LAMB2: variants seen among roughly 807,000 people sequenced by gnomAD.
LAMB2 encodes laminin subunit beta-2.
In LAMB2, 119 loss-of-function variants were observed where a neutral mutation model predicts 202.7. The ratio of observed to expected loss-of-function variants is 0.59; its 90% CI spans 0.51 to 0.68. The LOEUF (loss-of-function observed/expected upper bound fraction) is 0.68, where lower values mean the gene tolerates loss of function less well. Ranked by LOEUF, LAMB2 falls within the 30% of genes least tolerant of loss-of-function variation. LAMB2 has a pLI of 0.00. For missense variants in LAMB2, 2,124 were observed against 2,410.6 expected, an observed-to-expected ratio of 0.88 and a Z score of 2.49; for synonymous variants, 818 against 902.2, an observed-to-expected ratio of 0.91 and a Z score of 1.67.
intron 13 of LAMB2, 48 bp downstream of exon 13, chr3:49,128,972 G>A: frequency 1.2e-6 from 2 of 1,603,604 alleles, no homozygotes; most frequent in Non-Finnish European, 1.7e-6. Flanking sequence ...TCCAGTCATA[G>A]ACGTGTCCAC....
Position 49,121,483 on chromosome 3 carries a change from T to C in LAMB2, c.5210A>G (p.Glu1737Gly). Residue 1737 changes from glutamate (E) to glycine (G), a missense_variant, in exon 31 of 32, where the codon GAG becomes GGG. Glu to Gly is a moderately conservative substitution (Grantham distance 98). Coordinates refer to ENST00000305544, the MANE Select transcript of LAMB2 (RefSeq NM_002292.4). ...AGCGGCTTGCAACAGGTCCCGAGCC[T>C]CATCCCGCAGTTGTTCTGCCCTTGC... ...AQARAEQLRD[E>G]ARDLLQAAQD... The C allele has an allele frequency of 1.2e-6, 2 of 1,614,046 alleles. No individual in the cohort carries two copies. Among genetic ancestry groups the C allele is most frequent in the Non-Finnish European group, 1.7e-6 (2 of 1,180,034 alleles).
Position 49,131,467 on chromosome 3 carries a change from C to T in LAMB2, c.649-25G>A. 6.2e-7 allele frequency: 1 copy of T among 1,614,008 alleles called. No homozygotes were observed. Among genetic ancestry groups the T allele is most frequent in the Non-Finnish European group, 8.5e-7 (1 of 1,179,948 alleles). On this transcript the variant is annotated intron_variant, in intron 5 of 31. Transcript: ENST00000305544. This position sits in a 1 kb window ranked among gnomAD's most constrained non-coding sequence, Gnocchi z 5.0. Reference sequence around the variant, plus strand: ...CCTGGAGAAGCAGGGAGTTCATAGTCACACTGGACCTTGCCTCAGGCCCAT... The same window carrying T: ...CCTGGAGAAGCAGGGAGTTCATAGTTACACTGGACCTTGCCTCAGGCCCAT...
At position 49,132,111 on chromosome 3, in the gene LAMB2, G is replaced by C. The variant is rs2045487749; in HGVS notation, c.459+5C>G. On this transcript the variant is annotated splice_donor_5th_base_variant and intron_variant, in intron 4 of 31. Coordinates refer to ENST00000305544, the MANE Select transcript of LAMB2 (RefSeq NM_002292.4). This position sits in a 1 kb window ranked among gnomAD's most constrained non-coding sequence, Gnocchi z 4.6. ...ATTCGGGCAGGCTCCCAGATATGCAGGCACCTTGAAGGTCATAATGAGGTG... is the reference window on the plus strand; with the variant it reads ...ATTCGGGCAGGCTCCCAGATATGCACGCACCTTGAAGGTCATAATGAGGTG... The C allele has an allele frequency of 1.2e-6, 2 of 1,613,732 alleles. No individual in the cohort carries two copies. The highest frequency in any genetic ancestry group is 2.7e-5 in the African/African-American group (2 of 74,928).
chr3:49,122,799 G>T lies in LAMB2; in HGVS notation c.4478C>A (p.Ala1493Glu). ...QASEAQQRAQ[A>E]ALDKANASRG... The stretch of plus-strand genomic sequence containing the variant: ...GGAAGCATTAGCCTTGTCCAGGGCT[G>T]CCTGGGCCCGCTGCTGTGCCTCGCT... Residue 1493 changes from alanine to glutamate, a missense_variant, in exon 27 of 32, where the codon GCA becomes GAA. Ala to Glu is a moderately radical substitution (Grantham distance 107). Transcript: ENST00000305544. 6.2e-7 allele frequency: 1 copy of T among 1,613,852 alleles called. No homozygotes were observed. Among genetic ancestry groups the T allele is most frequent in the South Asian group, 1.1e-5 (1 of 91,092 alleles).
In LAMB2 at chr3:49,129,027, C is replaced by A; in HGVS notation, c.1724G>T (p.Arg575Leu). The stretch of plus-strand genomic sequence containing the variant: ...TAGGGGGAGGCCCCACACCTGCCCT[C>A]GGGTGTCCTCAGCCTCCCAAATTAG... ...DHLIWEAEDT[R>L]GQVLDVVERL... is the part of the protein sequence containing the mutation. The change falls in exon 13 of 32, where the codon CGA (arginine) becomes CTA (leucine). Residue 575 changes from arginine to leucine, a missense_variant. By Grantham distance (102) the Arg-to-Leu change is moderately radical. This residue lies in a region of LAMB2 where 1,702 missense variants were observed against 1,896.3 expected (regional missense o/e 0.90). Coordinates refer to ENST00000305544, the MANE Select transcript of LAMB2 (RefSeq NM_002292.4). The surrounding 1 kb of genome is among the most constrained non-coding windows in gnomAD (Gnocchi z 6.1). The A allele has an allele frequency of 6.2e-7, 1 of 1,609,388 alleles. No homozygotes were observed. Among genetic ancestry groups the A allele is most frequent in the Non-Finnish European group, 8.5e-7 (1 of 1,179,994 alleles).
chr3:49,126,608 T>C, intron 15 of LAMB2, 111 bp from the exon 16 acceptor site: 1 of 1,441,846 alleles, frequency 6.9e-7, no homozygotes, highest in East Asian at 2.3e-5. Flanking sequence ...AAGCAGAGAC[T>C]ATGGCTGGGT....
chr3:49,126,575 C>G, intron 15 of LAMB2, 78 bp from the exon 16 acceptor site: 1 of 1,590,088 alleles, frequency 6.3e-7, no homozygotes, highest in Non-Finnish European at 8.6e-7. Context: ...CCATCCTTCT[C>G]CCAGCAACCA....
rs199510279 is a variant in LAMB2, at chr3:49,123,351, A to G, written c.4005T>C (p.His1335=). ...NFLGAYDSIR[H]AHSQSAEAER... is the part of the protein sequence containing the mutation. ...CTGCCTCTGCAGACTGGCTATGGGC[A>G]TGCCGGATGCTGTCATAGGCACCTA... is the stretch of plus-strand genomic sequence containing the variant. The change falls in exon 26 of 32, where the codon CAT becomes CAC. Residue 1335 remains histidine (H), a synonymous_variant. Coordinates refer to ENST00000305544, the MANE Select transcript of LAMB2 (RefSeq NM_002292.4). 1.1e-5 allele frequency: 17 copies of G among 1,614,028 alleles called. No individual in the cohort carries two copies. The South Asian group carries it at 1.8e-4, about 17-fold the overall frequency.
chr3:49,123,751 A>G lies in LAMB2; in HGVS notation c.3774T>C (p.Leu1258=). 2 of 1,613,456 alleles carry G rather than the reference A, an allele frequency of 1.2e-6. No individual in the cohort carries two copies. Among genetic ancestry groups the G allele is most frequent in the Non-Finnish European group, 1.7e-6 (2 of 1,180,038 alleles). ...RNTSAASTAQ[L]VEATEELRRE... ...ACCGCAGCTCCTCTGTGGCCTCCACAAGCTGTGCAGTGGAGGCGGCTGAGG... is the reference window on the plus strand; with the variant it reads ...ACCGCAGCTCCTCTGTGGCCTCCACGAGCTGTGCAGTGGAGGCGGCTGAGG... The change falls in exon 24 of 32, where the codon CTT becomes CTC. Residue 1258 remains leucine (L), a synonymous_variant. Coordinates refer to ENST00000305544, the MANE Select transcript of LAMB2 (RefSeq NM_002292.4).
rs370642328 is a variant in LAMB2, at chr3:49,121,180, T to G, written c.*46A>C. 465 of 1,609,502 alleles carry G rather than the reference T, an allele frequency of 2.9e-4. No homozygotes were observed. The highest frequency in any genetic ancestry group is 3.8e-4 in the Non-Finnish European group (448 of 1,178,388). ...GAGCTCTTCAGTGCATAGGCAGACA[T>G]GCATGTGGGGCAGTGCTAGGAACTG... On this transcript the variant is annotated 3_prime_UTR_variant, in exon 32 of 32. Transcript: ENST00000305544.
Position 49,131,775 on chromosome 3 carries a change from C to G in LAMB2, c.460-52G>C. ...CAGGCACCAGGACCCAAGCCCAACC[C>G]AGAGCCATCAAGAGCCCTGCTCAGC... On this transcript the variant is annotated intron_variant, in intron 4 of 31. Coordinates refer to ENST00000305544, the MANE Select transcript of LAMB2 (RefSeq NM_002292.4). This position sits in a 1 kb window ranked among gnomAD's most constrained non-coding sequence, Gnocchi z 5.0. 2.5e-6 allele frequency: 4 copies of G among 1,593,466 alleles called. No homozygotes were observed. Among genetic ancestry groups the G allele is most frequent in the Non-Finnish European group, 3.4e-6 (4 of 1,166,984 alleles).
rs1239293275 is a variant in LAMB2, at chr3:49,130,183, C to A, written c.1225+48G>T. 9 of 1,607,994 alleles carry A rather than the reference C, an allele frequency of 5.6e-6. No homozygotes were observed. Among genetic ancestry groups the A allele is most frequent in the Non-Finnish European group, 6.8e-6 (8 of 1,176,320 alleles). On this transcript the variant is annotated intron_variant, in intron 9 of 31. Coordinates refer to ENST00000305544, the MANE Select transcript of LAMB2 (RefSeq NM_002292.4). The surrounding 1 kb of genome is among the most constrained non-coding windows in gnomAD (Gnocchi z 5.0). ...TAGACAGCAGTCCAGCTCTCTAGTT[C>A]CTGCCCCAGGCTCAGCTTTCTCTCC... is the stretch of plus-strand genomic sequence containing the variant.
rs147446447 is a variant in LAMB2, at chr3:49,124,627, A to G, written c.3110-15T>C. 1,763 of 1,613,676 alleles carry G rather than the reference A, an allele frequency of 1.1e-3. 20 individuals carry two copies. The African/African-American group carries it at 0.02, about 19-fold the overall frequency. ...GCATGTGCAGCCTGTGCCAACCAAG[A>G]TGAGCACAGTAGTCAAGAGGAGGCC... On this transcript the variant is annotated splice_polypyrimidine_tract_variant and intron_variant, in intron 21 of 31. Transcript: ENST00000305544.
In LAMB2 at chr3:49,122,835, C is replaced by T. The variant is rs1044659312; in HGVS notation, c.4442G>A (p.Arg1481His). Reference sequence around the variant, plus strand: ...CTGCTGTGCCTCGCTTGCCTGCCGACGAGTCTCAGCCACTCTGCTGAGGAT... The same window carrying T: ...CTGCTGTGCCTCGCTTGCCTGCCGATGAGTCTCAGCCACTCTGCTGAGGAT... The part of the protein sequence containing the change: ...GSILSRVAET[R>H]RQASEAQQRA... The change falls in exon 27 of 32, where the codon CGT (arginine) becomes CAT (histidine). Residue 1481 changes from arginine to histidine, a missense_variant. Around this residue, in one of 3 missense-constraint regions of LAMB2, gnomAD observed 1,702 missense variants for 1,896.3 expected, o/e 0.90. Coordinates refer to ENST00000305544, the MANE Select transcript of LAMB2 (RefSeq NM_002292.4). 3 of 1,612,864 alleles carry T rather than the reference C, an allele frequency of 1.9e-6. No individual in the cohort carries two copies. The highest frequency in any genetic ancestry group is 2.7e-5 in the African/African-American group (2 of 75,018).
At position 49,132,159 on chromosome 3, in the gene LAMB2, A is replaced by G. The variant is rs2045488163; in HGVS notation, c.416T>C (p.Leu139Pro). 3 of 1,614,072 alleles carry G rather than the reference A, an allele frequency of 1.9e-6. No homozygotes were observed. Among genetic ancestry groups the G allele is most frequent in the Admixed American group, 3.3e-5 (2 of 60,004 alleles). Residue 139 changes from leucine (L) to proline (P), a missense_variant, in exon 4 of 32, where the codon CTG becomes CCG. By Grantham distance (98) the Leu-to-Pro change is moderately conservative. Around this residue, in one of 3 missense-constraint regions of LAMB2, gnomAD observed 256 missense variants for 356.1 expected, o/e 0.72. Coordinates refer to ENST00000305544, the MANE Select transcript of LAMB2 (RefSeq NM_002292.4). This position sits in a 1 kb window ranked among gnomAD's most constrained non-coding sequence, Gnocchi z 4.6. ...GIPAVTIQLD[L>P]EAEFHFTHLI... is the part of the protein sequence containing the mutation. ...GTGTGTGAAATGAAACTCAGCCTCC[A>G]GGTCCAGCTGGATGGTGACCGCAGG...
At position 49,131,398 on chromosome 3, in the gene LAMB2, G is replaced by C. The variant is rs763644253; in HGVS notation, c.693C>G (p.Pro231=). ...ACTCACTCTGAATCCGTGAGCTGTA[G>C]GGGTCTGGGATAGGGATGGCAGGGT... ...VLDPAIPIPD[P]YSSRIQNLLK... The change falls in exon 6 of 32, where the codon CCC becomes CCG. Residue 231 remains proline (P), a synonymous_variant. Transcript: ENST00000305544. This position sits in a 1 kb window ranked among gnomAD's most constrained non-coding sequence, Gnocchi z 5.0. 4 of 1,614,152 alleles carry C rather than the reference G, an allele frequency of 2.5e-6. No individual in the cohort carries two copies. The South Asian group carries it at 4.4e-5, about 18-fold the overall frequency.
In LAMB2 at chr3:49,121,173, G is replaced by C; in HGVS notation, c.*53C>G. ...GGGCCAAGAGCTCTTCAGTGCATAGGCAGACATGCATGTGGGGCAGTGCTA... is the reference window on the plus strand; with the variant it reads ...GGGCCAAGAGCTCTTCAGTGCATAGCCAGACATGCATGTGGGGCAGTGCTA... On this transcript the variant is annotated 3_prime_UTR_variant, in exon 32 of 32. Transcript: ENST00000305544. The C allele has an allele frequency of 6.2e-7, 1 of 1,606,032 alleles. No individual in the cohort carries two copies. Among genetic ancestry groups the C allele is most frequent in the Non-Finnish European group, 8.5e-7 (1 of 1,175,322 alleles).
chr3:49,124,620 A>G lies in LAMB2; in HGVS notation c.3110-8T>C. Reference sequence around the variant, plus strand: ...GCAGGTTGCATGTGCAGCCTGTGCCAACCAAGATGAGCACAGTAGTCAAGA... The same window carrying G: ...GCAGGTTGCATGTGCAGCCTGTGCCGACCAAGATGAGCACAGTAGTCAAGA... On this transcript the variant is annotated splice_region_variant and splice_polypyrimidine_tract_variant and intron_variant, in intron 21 of 31. Coordinates refer to ENST00000305544, the MANE Select transcript of LAMB2 (RefSeq NM_002292.4). The G allele has an allele frequency of 6.2e-7, 1 of 1,613,686 alleles. No homozygotes were observed.
rs141473691 is a variant in LAMB2, at chr3:49,121,745, G to A, written c.5039C>T (p.Ala1680Val). Residue 1680 changes from alanine (A) to valine (V), a missense_variant, in exon 30 of 32, where the codon GCA (alanine) becomes GTA (valine). Physicochemically the swap from Ala to Val is moderately conservative, Grantham distance 64. This residue lies in a region of LAMB2 where 1,702 missense variants were observed against 1,896.3 expected (regional missense o/e 0.90). Transcript: ENST00000305544. ...TGCCGTTTCTTCTGCTGTAGAGGCT[G>A]CCAGACTATTTCCTGCCCGTTTCAA... ...LKLKRAGNSLAASTAEETAGS... is the reference protein window; with the variant it reads ...LKLKRAGNSLVASTAEETAGS... 527 of 1,613,640 alleles carry A rather than the reference G, an allele frequency of 3.3e-4. No homozygotes were observed. Among genetic ancestry groups the A allele is most frequent in the Middle Eastern group, 1.3e-3 (8 of 6,084 alleles).
Sources: allele counts gnomAD v4.1 joint callset, GRCh38; gene constraint gnomAD v4.1.1; regional missense constraint gnomAD v4.1.1; non-coding constraint Gnocchi (gnomAD v3.1); transcripts MANE v1.5; gene names NCBI Gene and HGNC (gene_info 2026-07-23, HGNC 2026-07-21).